The following LDLRAP1 variants were observed in gnomAD, a reference collection of about 807,000 sequenced individuals.
LDLRAP1 encodes the protein low density lipoprotein receptor adaptor protein 1.
LDLRAP1 carries 30 observed loss-of-function variants against 37.8 expected under a neutral mutation model. The observed-to-expected ratio is 0.79, with a 90% CI of 0.59 to 1.08. LDLRAP1 has a LOEUF of 1.08. LDLRAP1 is among the 50% of genes least tolerant of loss of function. The probability of loss-of-function intolerance (pLI) is 0.00; values close to 1 mark genes in which losing one functional copy is unlikely to be tolerated. For missense variants in LDLRAP1, 375 were observed against 401.6 expected (o/e 0.93, Z 0.57); for synonymous variants, 156 against 169.8 (o/e 0.92, Z 0.63).
the LDLRAP1 span, among the ~76,000 whole-genome samples, chr1:25,578,606 C>T: frequency 6.6e-6 from 1 of 152,132 alleles, no homozygotes; most frequent in Non-Finnish European, 1.5e-5. Flanking sequence ...CCTCAACCTC[C>T]CCGGCCCAAG....
intron 7 of LDLRAP1, 156 bp from the exon 8 acceptor site, chr1:25,565,017 C>T (rs1331432285): frequency 6.5e-6 from 5 of 765,192 alleles, no homozygotes; most frequent in African/African-American, 5.2e-5. Context: ...TGGCGATGCA[C>T]CCAGGCAGGA....
the LDLRAP1 span, among the ~76,000 whole-genome samples, chr1:25,586,384 C>T: frequency 9.9e-5 from 15 of 152,096 alleles, no homozygotes; most frequent in Non-Finnish European, 1.2e-4. This position sits in a 1 kb window ranked among gnomAD's most constrained non-coding sequence, Gnocchi z 4.3. Context: ...GTGCTGCGGC[C>T]GCATCTGATC....
the LDLRAP1 span, among the ~76,000 whole-genome samples, chr1:25,583,170 T>C: frequency 1.3e-5 from 2 of 151,916 alleles, no homozygotes; most frequent in Admixed American, 6.6e-5. Flanking sequence ...GAGGTGTTTT[T>C]TTTCCTTTGG....
rs181988184 is a variant in LDLRAP1 at position 25,558,981 on chromosome 1, A to G, written c.459+1714A>G. ...CTGCCTTTCTCTGGGCTGCTTGCCT[A>G]TCAGCAGAATGAGAAGGTTGCCTCA... On this transcript the variant is annotated intron_variant, in intron 4 of 8. Transcript: ENST00000374338. 1.4e-4 allele frequency among the ~76,000 whole-genome samples: 21 copies of G among 152,216 alleles called. No homozygotes were observed. In the East Asian group the frequency reaches 4.1e-3, roughly 29 times the overall value.
intron 1 of LDLRAP1, among the ~76,000 whole-genome samples, chr1:25,551,134 T>A (rs2044062398): frequency 6.6e-6 from 1 of 152,110 alleles, no homozygotes; most frequent in Non-Finnish European, 1.5e-5. Context: ...CAGAGGGAAG[T>A]AGAGCTGCAA....
chr1:25,577,714 C>T, the LDLRAP1 span, among the ~76,000 whole-genome samples: 10 of 152,186 alleles, frequency 6.6e-5, no homozygotes, highest in East Asian at 1.9e-4. Flanking sequence ...AGAGGCCTGG[C>T]GCCGGGTGGC....
the LDLRAP1 span, among the ~76,000 whole-genome samples, chr1:25,586,943 C>G: frequency 2.0e-5 from 3 of 152,278 alleles, no homozygotes; most frequent in African/African-American, 7.2e-5. This position sits in a 1 kb window ranked among gnomAD's most constrained non-coding sequence, Gnocchi z 4.3. Flanking sequence ...CCAGACTGAG[C>G]CCTAATCCTG....
At chr1:25,569,222 C>T (rs1298025547), downstream of LDLRAP1, among the ~76,000 whole-genome samples, 2 of 152,210 alleles carry the variant, frequency 1.3e-5, no homozygotes, top group Non-Finnish European at 2.9e-5. Flanking sequence ...TACGTGTCCA[C>T]GTGGGCGTTT....
In LDLRAP1 at chr1:25,544,378, G is replaced by A. The variant is rs2043880061; in HGVS notation, c.88+592G>A. On this transcript the variant is annotated intron_variant, in intron 1 of 8. Coordinates refer to ENST00000374338, the MANE Select transcript of LDLRAP1 (RefSeq NM_015627.3). The surrounding 1 kb of genome is among the most constrained non-coding windows in gnomAD (Gnocchi z 4.8). ...AAATTGGGAACGAGGCCCCGCCTGG[G>A]GTGCCTCGGGAGAGCCCCACATCAG... 6.6e-6 allele frequency among the ~76,000 whole-genome samples: 1 copy of A among 152,198 alleles called. No individual in the cohort carries two copies. Among genetic ancestry groups the A allele is most frequent in the Admixed American group, 6.5e-5 (1 of 15,290 alleles).
intron 1 of LDLRAP1, among the ~76,000 whole-genome samples, chr1:25,546,308 A>G (rs1426447690): frequency 1.3e-5 from 2 of 152,166 alleles, no homozygotes; most frequent in African/African-American, 4.8e-5. Context: ...CCTCCTCCTC[A>G]AGGTCCTCAC....
At chr1:25,559,541 T>C (rs1179059157) in intron 4 of LDLRAP1, among the ~76,000 whole-genome samples, 1 of 152,228 alleles carries the variant, frequency 6.6e-6, no homozygotes, top group African/African-American at 2.4e-5. Context: ...TTCATCTTTC[T>C]TAGTGTATTC....
chr1:25,584,936 G>A, the LDLRAP1 span, among the ~76,000 whole-genome samples: 1 of 152,294 alleles, frequency 6.6e-6, no homozygotes, highest in East Asian at 1.9e-4. Context: ...TGCTACAAAG[G>A]GCAGGGCAGA....
the LDLRAP1 span, among the ~76,000 whole-genome samples, chr1:25,580,949 G>A: frequency 6.6e-6 from 1 of 152,316 alleles, no homozygotes; most frequent in African/African-American, 2.4e-5. Context: ...AATCCCGGAA[G>A]GCTCAGAACC....
At chr1:25,564,774 C>T (rs1475826716) in intron 7 of LDLRAP1, 2 of 190,774 alleles carry the variant, frequency 1.0e-5, no homozygotes, top group Admixed American at 5.4e-5. Flanking sequence ...AAGAAAACTC[C>T]CTTCCCCACC....
Position 25,567,757 on chromosome 1 carries a change from C to CT in LDLRAP1, c.*766dup, listed in dbSNP as rs149951294. 4,369 of 152,662 alleles carry CT rather than the reference C, an allele frequency of 0.029. 204 individuals carry two copies. Among genetic ancestry groups the CT allele is most frequent in the African/African-American group, 0.096 (3,997 of 41,564 alleles). 9.5% of individuals were successfully genotyped at this position (152,662 alleles called of 1,614,324 possible). On this transcript the variant is annotated 3_prime_UTR_variant, in exon 9 of 9. Coordinates refer to ENST00000374338, the MANE Select transcript of LDLRAP1 (RefSeq NM_015627.3). ...TGGAACCAGTGTAACTGGCTGCTCC[C>CT]TGCTCCCAGGGACTGACACGGGGAT...
chr1:25,578,930 G>A, the LDLRAP1 span, among the ~76,000 whole-genome samples: 1 of 152,216 alleles, frequency 6.6e-6, no homozygotes, highest in African/African-American at 2.4e-5. Context: ...AGGGGCTTGT[G>A]AAATTATGCT....
In LDLRAP1 at chr1:25,555,083, C is replaced by G; in HGVS notation, c.344+111C>G. ...TCCTACCTGGGTGACATTGGAGCCTCAGTTTCCTCATCTGTAAAATGGGGG... is the reference window on the plus strand; with the variant it reads ...TCCTACCTGGGTGACATTGGAGCCTGAGTTTCCTCATCTGTAAAATGGGGG... On this transcript the variant is annotated intron_variant, in intron 3 of 8. Transcript: ENST00000374338. This position sits in a 1 kb window ranked among gnomAD's most constrained non-coding sequence, Gnocchi z 4.7. The G allele has an allele frequency of 2.5e-6, 2 of 800,018 alleles. No individual in the cohort carries two copies. The highest frequency in any genetic ancestry group is 4.4e-6 in the Non-Finnish European group (2 of 459,636). The allele number at this position is 800,018 out of a possible 1,614,324, so 49.6% of individuals were successfully genotyped here. A position where few individuals can be genotyped will look rare whatever the true frequency, so the allele number is the denominator to read the frequency against.
chr1:25,548,885 G>A (rs113274765), intron 1 of LDLRAP1, among the ~76,000 whole-genome samples: 7,056 of 151,984 alleles, frequency 0.046, 365 homozygotes, highest in African/African-American at 0.13. Flanking sequence ...TGAACTCCTG[G>A]CCTCAAGCAA....
chr1:25,545,895 C>G (rs2043922785), intron 1 of LDLRAP1, among the ~76,000 whole-genome samples: 1 of 152,204 alleles, frequency 6.6e-6, no homozygotes, highest in Non-Finnish European at 1.5e-5. Context: ...CTTCCATTCT[C>G]TCATTGACTC....
Sources: allele counts gnomAD v4.1 joint callset (sites outside exome capture counted in the v4.1 genomes callset), GRCh38; gene constraint gnomAD v4.1.1; non-coding constraint Gnocchi (gnomAD v3.1); transcripts MANE v1.5; gene names NCBI Gene and HGNC (gene_info 2026-07-23, HGNC 2026-07-21).